The following REEP1 variants were observed in gnomAD, a reference collection of about 807,000 sequenced individuals.
REEP1 encodes the protein receptor accessory protein 1, also known as receptor expression-enhancing protein 1.
Under a neutral mutation model 40.3 loss-of-function variants are expected in REEP1, and 22 were observed. The ratio of observed to expected loss-of-function variants is 0.55; its 90% CI spans 0.39 to 0.78. The LOEUF is 0.78. REEP1 is among the 30% of genes least tolerant of loss of function. The pLI, the probability that REEP1 is intolerant of heterozygous loss-of-function variation, is 0.00. For synonymous variants in REEP1, 116 were observed against 139.2 expected (o/e 0.83, Z 1.17); for missense variants, 280 against 361.1 (o/e 0.78, Z 1.82).
At chr2:86,239,818 C>T (rs1367332895) in intron 5 of REEP1, 2 of 152,230 alleles carry the variant, frequency 1.3e-5, no homozygotes, top group African/African-American at 2.4e-5. Context: ...AAATTCACAC[C>T]ATAAGAGTCT....
At chr2:86,285,743 C>G (rs954372275) in intron 1 of REEP1, among the ~76,000 whole-genome samples, 1 of 152,176 alleles carries the variant, frequency 6.6e-6, no homozygotes, top group Non-Finnish European at 1.5e-5. Context: ...ACAGCACCTC[C>G]CCCTTTAAGT....
At chr2:86,300,502 CTTGGCCATA>C (rs1679209250) in intron 1 of REEP1, among the ~76,000 whole-genome samples, 1 of 152,162 alleles carries the variant, frequency 6.6e-6, no homozygotes, top group Admixed American at 6.5e-5. Context: ...CATGGCCGTG[CTTGGCCATA>C]TACACATGAA....
chr2:86,223,189 G>A (rs879893212), intron 7 of REEP1, among the ~76,000 whole-genome samples: 1 of 152,236 alleles, frequency 6.6e-6, no homozygotes, highest in Admixed American at 6.5e-5. Context: ...CAGGGGAATG[G>A]GTGTGTGGCC....
chr2:86,327,952 G>A (rs753280561), intron 1 of REEP1, among the ~76,000 whole-genome samples: 11 of 152,174 alleles, frequency 7.2e-5, no homozygotes, highest in South Asian at 6.2e-4. Flanking sequence ...GTCCAGGAGA[G>A]CAACAGTATT....
chr2:86,242,098 T>G (rs957695285), intron 5 of REEP1, among the ~76,000 whole-genome samples: 5 of 152,096 alleles, frequency 3.3e-5, no homozygotes, highest in Admixed American at 1.3e-4. Flanking sequence ...AACTGACATA[T>G]GAGCAAATAA....
intron 5 of REEP1, among the ~76,000 whole-genome samples, chr2:86,247,352 C>G (rs563330246): frequency 2.6e-5 from 4 of 152,130 alleles, no homozygotes; most frequent in Admixed American, 2.6e-4. Flanking sequence ...TTTCTCATGC[C>G]TGATGTTTTT....
chr2:86,215,053 G>A lies in REEP1; in HGVS notation c.*1986C>T, dbSNP rs1330225438. 7 of 57,878 alleles carry A rather than the reference G, an allele frequency of 1.2e-4. No individual in the cohort carries two copies. The East Asian group carries it at 2.5e-3, about 21-fold the overall frequency. 3.6% of individuals were successfully genotyped at this position (57,878 alleles called of 1,614,324 possible). A position where few individuals can be genotyped will look rare whatever the true frequency, so the allele number is the denominator to read the frequency against. On this transcript the variant is annotated 3_prime_UTR_variant, in exon 9 of 9. Transcript: ENST00000538924. ...TTTTTTTTTTTTTTTTTTTGCATTC[G>A]TTTCTGATAATTCTGGGTACTTCCA... is the stretch of plus-strand genomic sequence containing the variant.
At chr2:86,283,283 T>A (rs1678198045) in intron 1 of REEP1, among the ~76,000 whole-genome samples, 1 of 152,168 alleles carries the variant, frequency 6.6e-6, no homozygotes, top group African/African-American at 2.4e-5. Flanking sequence ...CAACAGGTAT[T>A]TTTAAATAAA....
At position 86,289,077 on chromosome 2, in the gene REEP1, C is replaced by A. The variant is rs542756992; in HGVS notation, c.33-6835G>T. ...TGTGGTGCATTTTCTTGCTTTCTAG[C>A]TTTAAATTTTATATAGACAAATATA... On this transcript the variant is annotated intron_variant, in intron 1 of 8. Coordinates refer to ENST00000538924, the MANE Select transcript of REEP1 (RefSeq NM_001371279.1). Among the ~76,000 whole-genome samples the A allele has an allele frequency of 2.0e-4, 31 of 152,218 alleles. No homozygotes were observed. The South Asian group carries it at 6.4e-3, about 32-fold the overall frequency.
At chr2:86,223,141 C>T (rs1033508255) in intron 7 of REEP1, among the ~76,000 whole-genome samples, 1 of 152,216 alleles carries the variant, frequency 6.6e-6, no homozygotes, top group African/African-American at 2.4e-5. Context: ...AGCTGGGTTG[C>T]TTCTAGGAAA....
intron 1 of REEP1, among the ~76,000 whole-genome samples, chr2:86,289,119 T>C (rs1402767290): frequency 6.6e-6 from 1 of 152,222 alleles, no homozygotes; most frequent in Non-Finnish European, 1.5e-5. Flanking sequence ...TTTTCCAGAT[T>C]TTTTCTATCT....
intron 1 of REEP1, among the ~76,000 whole-genome samples, chr2:86,315,649 C>A (rs1347017860): frequency 2.0e-5 from 3 of 152,130 alleles, no homozygotes; most frequent in Non-Finnish European, 4.4e-5. Context: ...GTGTTTTATA[C>A]CCTCATGGAT....
chr2:86,299,551 G>A (rs1679164823), intron 1 of REEP1, among the ~76,000 whole-genome samples: 1 of 152,166 alleles, frequency 6.6e-6, no homozygotes. Flanking sequence ...ACTTGGTAAT[G>A]TTCTATTAGC....
At chr2:86,241,050 T>C (rs1417338462) in intron 5 of REEP1, among the ~76,000 whole-genome samples, 1 of 152,134 alleles carries the variant, frequency 6.6e-6, no homozygotes, top group Non-Finnish European at 1.5e-5. Flanking sequence ...TGGGTCTCTG[T>C]AGCCAGACCA....
chr2:86,221,125 T>G (rs1674404679), intron 7 of REEP1, among the ~76,000 whole-genome samples: 1 of 152,186 alleles, frequency 6.6e-6, no homozygotes, highest in South Asian at 2.1e-4. Flanking sequence ...ACCCTGCTCC[T>G]AAGAACATAT....
At position 86,216,915 on chromosome 2, in the gene REEP1, G is replaced by C. The variant is rs1674140828; in HGVS notation, c.*124C>G. 1 of 749,444 alleles carries C rather than the reference G, an allele frequency of 1.3e-6. No homozygotes were observed. Among genetic ancestry groups the C allele is most frequent in the Non-Finnish European group, 2.3e-6 (1 of 434,560 alleles). 46.4% of individuals were successfully genotyped at this position (749,444 alleles called of 1,614,324 possible). ...AAAAGTGGAAGGGGAGAGAGAAAAG[G>C]CCATGTTTGTGAGGCTGCACACTCA... On this transcript the variant is annotated 3_prime_UTR_variant, in exon 9 of 9. Transcript: ENST00000538924.
intron 8 of REEP1, among the ~76,000 whole-genome samples, 184 bp from the exon 9 acceptor site, chr2:86,217,294 G>A (rs1166263518): frequency 1.3e-5 from 2 of 152,136 alleles, no homozygotes; most frequent in Admixed American, 6.5e-5. Context: ...CCCACATATC[G>A]CATGAAGCTG....
intron 1 of REEP1, among the ~76,000 whole-genome samples, chr2:86,309,067 A>G (rs1199648630): frequency 2.6e-5 from 4 of 152,204 alleles, no homozygotes; most frequent in Admixed American, 2.0e-4. Flanking sequence ...TAGGCCTGAC[A>G]TGAGTTATCT....
intron 5 of REEP1, among the ~76,000 whole-genome samples, chr2:86,233,933 C>T (rs1177786668): frequency 6.6e-6 from 1 of 152,010 alleles, no homozygotes; most frequent in East Asian, 1.9e-4. Context: ...ACAGACATAA[C>T]AGAACCAACA....
Sources: allele counts gnomAD v4.1 joint callset (sites outside exome capture counted in the v4.1 genomes callset), GRCh38; gene constraint gnomAD v4.1.1; transcripts MANE v1.5; gene names NCBI Gene and HGNC (gene_info 2026-07-23, HGNC 2026-07-21).